Variants in TRAK2 observed in about 807,000 individuals in gnomAD.
TRAK2 encodes the protein trafficking kinesin protein 2, also known as trafficking kinesin-binding protein 2.
In TRAK2, 81 loss-of-function variants were observed where a neutral mutation model predicts 104.6. The ratio of observed to expected loss-of-function variants is 0.77; its 90% CI spans 0.65 to 0.93. TRAK2 has a LOEUF of 0.93. Ranked by LOEUF, TRAK2 falls within the 40% of genes least tolerant of loss-of-function variation. The pLI is 0.00. For synonymous variants in TRAK2, 406 were observed against 394.4 expected (o/e 1.03, Z -0.35); for missense variants, 1,002 against 1,089.0 (o/e 0.92, Z 1.12).
At chr2:201,385,694 T>C (rs1455264387) in intron 14 of TRAK2, among the ~76,000 whole-genome samples, 1 of 152,208 alleles carries the variant, frequency 6.6e-6, no homozygotes, top group Non-Finnish European at 1.5e-5. Context: ...TGAAACAACA[T>C]ATTGCAATAG....
intron 2 of TRAK2, among the ~76,000 whole-genome samples, chr2:201,414,658 A>G (rs1307339985): frequency 2.0e-5 from 3 of 152,198 alleles, no homozygotes; most frequent in Non-Finnish European, 4.4e-5. Context: ...CAATCCTTAC[A>G]GATCTCTTAA....
intron 3 of TRAK2, among the ~76,000 whole-genome samples, chr2:201,406,102 C>T (rs923475151): frequency 9.9e-5 from 15 of 152,184 alleles, no homozygotes; most frequent in Non-Finnish European, 1.5e-4. Flanking sequence ...CTCAAGCAAG[C>T]AAATTCTCAA....
At chr2:201,437,234 TA>T (rs1397172892) in intron 1 of TRAK2, among the ~76,000 whole-genome samples, 3 of 152,168 alleles carry the variant, frequency 2.0e-5, no homozygotes, top group African/African-American at 7.2e-5. Context: ...AAGGCTATAA[TA>T]AATAGGAGGC....
In TRAK2 at chr2:201,389,593, G is replaced by A. The variant is rs186541790; in HGVS notation, c.1194-90C>T. On this transcript the variant is annotated intron_variant, in intron 11 of 15. Coordinates refer to ENST00000332624, the MANE Select transcript of TRAK2 (RefSeq NM_015049.3). ...GTATGTGCAGTCCATCAGAAATAAAGCCACCCTGAGGAGCTATTTAGGAGA... is the reference window on the plus strand; with the variant it reads ...GTATGTGCAGTCCATCAGAAATAAAACCACCCTGAGGAGCTATTTAGGAGA... 3.3e-5 allele frequency: 42 copies of A among 1,285,334 alleles called. No individual in the cohort carries two copies. In the East Asian group the frequency reaches 9.5e-4, roughly 29 times the overall value. The allele number at this position is 1,285,334 out of a possible 1,614,324, so 79.6% of individuals were successfully genotyped here.
Position 201,389,315 on chromosome 2 carries a change from G to A in TRAK2, c.1382C>T (p.Ser461Leu). The A allele has an allele frequency of 6.2e-7, 1 of 1,614,148 alleles. No individual in the cohort carries two copies. Among genetic ancestry groups the A allele is most frequent in the Non-Finnish European group, 8.5e-7 (1 of 1,180,010 alleles). ...DKSLLNQGSSSEEVAGSSQKM... is the reference protein window; with the variant it reads ...DKSLLNQGSSLEEVAGSSQKM... ...GGATTCCTACCCTGCAACCTCCTCT[G>A]AGCTGCTCCCCTGGTTCAGGAGTGA... The change falls in exon 12 of 16, where the codon TCA (serine) becomes TTA (leucine). Residue 461 changes from serine to leucine, a missense_variant. Physicochemically the swap from Ser to Leu is moderately radical, Grantham distance 145. Transcript: ENST00000332624.
chr2:201,380,782 C>T lies in TRAK2; in HGVS notation c.2506G>A (p.Asp836Asn). ...GCTATCCCCAGTCTCTTCAGCCTGT[C>T]CACTAAGTTCATCTTCAACTGGCCA... ...DVGQLKMNLV[D>N]RLKRLGIARV... is the part of the protein sequence containing the mutation. The change falls in exon 16 of 16, where the codon GAC becomes AAC. Residue 836 changes from aspartate (D) to asparagine (N), a missense_variant. Asp to Asn is a conservative substitution (Grantham distance 23). Transcript: ENST00000332624. 1 of 1,614,120 alleles carries T rather than the reference C, an allele frequency of 6.2e-7. No homozygotes were observed. The highest frequency in any genetic ancestry group is 1.1e-5 in the South Asian group (1 of 91,082).
At chr2:201,410,888 T>C (rs1203534808) in intron 2 of TRAK2, 37 of 1,588,480 alleles carry the variant, frequency 2.3e-5, no homozygotes, top group South Asian at 4.4e-5. Flanking sequence ...GCACTGAAGT[T>C]TGGCAAAGTG....
At chr2:201,435,205 T>G (rs1576536671) in intron 1 of TRAK2, among the ~76,000 whole-genome samples, 1 of 152,152 alleles carries the variant, frequency 6.6e-6, no homozygotes, top group East Asian at 1.9e-4. Flanking sequence ...TACAGGCACC[T>G]GCCACCATGC....
At chr2:201,384,745 T>C (rs1239484796) in intron 14 of TRAK2, among the ~76,000 whole-genome samples, 1 of 152,228 alleles carries the variant, frequency 6.6e-6, no homozygotes, top group Non-Finnish European at 1.5e-5. Flanking sequence ...GCACTTGGTA[T>C]TTTTTAAAAA....
intron 2 of TRAK2, among the ~76,000 whole-genome samples, chr2:201,418,481 A>G (rs1951712402): frequency 6.6e-6 from 1 of 152,246 alleles, no homozygotes; most frequent in Admixed American, 6.5e-5. Flanking sequence ...ATAATTTTTG[A>G]AAAAGAGTAA....
intron 2 of TRAK2, chr2:201,413,399 A>T: frequency 1.9e-6 from 1 of 525,970 alleles, no homozygotes; most frequent in Non-Finnish European, 3.3e-6. Flanking sequence ...CCCTAAACAC[A>T]GGCTGTTCCT....
rs1185896674 is a variant in TRAK2, at chr2:201,420,602, G to T, written c.-95C>A. The T allele has an allele frequency of 5.9e-6, 6 of 1,015,506 alleles. No homozygotes were observed. In the African/African-American group the frequency reaches 6.4e-5, roughly 11 times the overall value. 62.9% of individuals were successfully genotyped at this position (1,015,506 alleles called of 1,614,324 possible). On this transcript the variant is annotated 5_prime_UTR_variant, in exon 2 of 16. Coordinates refer to ENST00000332624, the MANE Select transcript of TRAK2 (RefSeq NM_015049.3). ...AGCCATTCAATAATGAAATGGATTT[G>T]GTCACATGGATATTTTCTTTTAGAC...
intron 7 of TRAK2, among the ~76,000 whole-genome samples, chr2:201,396,697 T>C (rs1576512096): frequency 6.6e-6 from 1 of 152,148 alleles, no homozygotes; most frequent in Admixed American, 6.5e-5. Flanking sequence ...ATTGCGATAG[T>C]TGACCTGGTA....
intron 1 of TRAK2, among the ~76,000 whole-genome samples, chr2:201,436,084 T>C (rs564278496): frequency 1.3e-5 from 2 of 152,288 alleles, no homozygotes; most frequent in South Asian, 2.1e-4. Context: ...TAATAAAATA[T>C]AGTTACCATA....
Position 201,389,889 on chromosome 2 carries a change from A to G in TRAK2, c.1114-9T>C. 6.2e-7 allele frequency: 1 copy of G among 1,610,938 alleles called. No homozygotes were observed. Among genetic ancestry groups the G allele is most frequent in the Non-Finnish European group, 8.5e-7 (1 of 1,178,054 alleles). On this transcript the variant is annotated splice_polypyrimidine_tract_variant and intron_variant, in intron 10 of 15. Transcript: ENST00000332624. ...TCAGCTGCCAAAGATTCCTAAGAAA[A>G]AGAGTTTGAGATTTCTAAAGTGATT...
At chr2:201,413,825 C>G (rs772956747) in intron 2 of TRAK2, among the ~76,000 whole-genome samples, 23 of 152,148 alleles carry the variant, frequency 1.5e-4, no homozygotes, top group Non-Finnish European at 3.2e-4. Flanking sequence ...TCCTACACAT[C>G]ATGTCTCCAA....
rs548464242 is a variant in TRAK2, at chr2:201,434,145, G to C, written c.-199-13439C>G. 1.7e-3 allele frequency among the ~76,000 whole-genome samples: 264 copies of C among 152,120 alleles called. 1 individual carries two copies. The highest frequency in any genetic ancestry group is 2.2e-3 in the Non-Finnish European group (149 of 67,996). On this transcript the variant is annotated intron_variant, in intron 1 of 15. Coordinates refer to ENST00000332624, the MANE Select transcript of TRAK2 (RefSeq NM_015049.3). ...GCTAATTTTTTGTATTTTTAGTAGA[G>C]ACGGGGTTTCACCGTGTTAGCCAGG...
intron 1 of TRAK2, among the ~76,000 whole-genome samples, chr2:201,424,625 CAG>C (rs1224882752): frequency 1.3e-5 from 2 of 150,052 alleles, no homozygotes; most frequent in African/African-American, 2.5e-5. Flanking sequence ...GTTTTTGAGA[CAG>C]AGTCTCACTC....
Position 201,386,356 on chromosome 2 carries a change from C to T in TRAK2, c.1825G>A (p.Asp609Asn), listed in dbSNP as rs777399646. 15 of 1,614,048 alleles carry T rather than the reference C, an allele frequency of 9.3e-6. No homozygotes were observed. In the Admixed American group the frequency reaches 2.2e-4, roughly 23 times the overall value. ...LPGDAIYHIS[D>N]LEEDEEEGIT... ...CCCTCCTCTTCATCCTCTTCTAAAT[C>T]TGAGATGTGATAAATAGCATCCCCG... The change falls in exon 14 of 16, where the codon GAT becomes AAT. Residue 609 changes from aspartate to asparagine, a missense_variant. Asp to Asn is a conservative substitution (Grantham distance 23). Coordinates refer to ENST00000332624, the MANE Select transcript of TRAK2 (RefSeq NM_015049.3).
Sources: allele counts gnomAD v4.1 joint callset (sites outside exome capture counted in the v4.1 genomes callset), GRCh38; gene constraint gnomAD v4.1.1; transcripts MANE v1.5; gene names NCBI Gene and HGNC (gene_info 2026-07-23, HGNC 2026-07-21).